TENM3: variants seen among roughly 807,000 people sequenced by gnomAD.
TENM3 encodes the protein teneurin-3.
TENM3 carries 63 observed loss-of-function variants against 255.1 expected under a neutral mutation model. That is an observed-to-expected ratio of 0.25 (90% CI 0.20 to 0.30). The LOEUF (loss-of-function observed/expected upper bound fraction) is 0.30, where lower values mean the gene tolerates loss of function less well. Ranked by LOEUF, TENM3 falls within the 10% of genes least tolerant of loss-of-function variation. TENM3 has a pLI of 1.00. For synonymous variants in TENM3, 1,306 were observed against 1,322.3 expected (o/e 0.99, Z 0.27); for missense variants, 2,929 against 3,461.1 (o/e 0.85, Z 3.86).
At chr4:182,038,503 C>T in the TENM3 span, among the ~76,000 whole-genome samples, 1 of 152,146 alleles carries the variant, frequency 6.6e-6, no homozygotes, top group African/African-American at 2.4e-5. Flanking sequence ...CAAGGTTATA[C>T]TGACATAGCT....
the TENM3 span, among the ~76,000 whole-genome samples, chr4:181,676,978 C>T: frequency 7.2e-6 from 1 of 139,524 alleles, no homozygotes. Flanking sequence ...GACCTATGCT[C>T]CCGATTTTAT....
At chr4:181,567,029 C>T in the TENM3 span, among the ~76,000 whole-genome samples, 118 of 152,250 alleles carry the variant, frequency 7.8e-4, no homozygotes, top group African/African-American at 2.7e-3. Flanking sequence ...ATTCCACCCT[C>T]TTAAAGAAAA....
At chr4:182,704,890 T>C (rs1033443507) in intron 12 of TENM3, among the ~76,000 whole-genome samples, 2 of 151,842 alleles carry the variant, frequency 1.3e-5, no homozygotes, top group Non-Finnish European at 2.9e-5. Context: ...ATTAATTGAC[T>C]TTCCTAAATA....
chr4:181,647,287 A>AT, the TENM3 span, among the ~76,000 whole-genome samples: 1 of 152,228 alleles, frequency 6.6e-6, no homozygotes, highest in Non-Finnish European at 1.5e-5. Context: ...TTGATGGAAC[A>AT]TTTAACAGTG....
At position 182,474,583 on chromosome 4, in the gene TENM3, C is replaced by T. The variant is rs149126996; in HGVS notation, c.512-126341C>T. Among the ~76,000 whole-genome samples, 23 of 152,300 alleles carry T rather than the reference C, an allele frequency of 1.5e-4. 1 individual carries two copies. The East Asian group carries it at 4.3e-3, about 28-fold the overall frequency. ...ACTGTCCCAGATTGAAAATTACCGA[C>T]ATAAATCCCAAACATCCTTTTTAAG... On this transcript the variant is annotated intron_variant, in intron 3 of 27. Coordinates refer to ENST00000511685, the MANE Select transcript of TENM3 (RefSeq NM_001080477.4).
chr4:181,544,121 C>A, the TENM3 span, among the ~76,000 whole-genome samples: 3 of 151,728 alleles, frequency 2.0e-5, no homozygotes, highest in African/African-American at 7.3e-5. Flanking sequence ...ATTCCGTTAC[C>A]CCAGAATGCC....
At chr4:181,888,534 GTGTATATATATATATGTA>G in the TENM3 span, among the ~76,000 whole-genome samples, 7 of 45,590 alleles carry the variant, frequency 1.5e-4, no homozygotes, top group Admixed American at 1.8e-3. Flanking sequence ...ATACATATAT[GTGTATATATATATATGTA>G]TATATATACA....
intron 3 of TENM3, among the ~76,000 whole-genome samples, chr4:182,525,103 A>G (rs1739020498): frequency 6.6e-6 from 1 of 152,132 alleles, no homozygotes. Flanking sequence ...GGTGCACAGT[A>G]ATTTTCATAG....
the TENM3 span, among the ~76,000 whole-genome samples, chr4:181,832,329 G>C: frequency 3.3e-5 from 5 of 152,166 alleles, no homozygotes; most frequent in African/African-American, 7.2e-5. Context: ...TGACTTCAGC[G>C]TGTGTTAATA....
intron 24 of TENM3, among the ~76,000 whole-genome samples, chr4:182,777,547 CTTTTTTTTTTTTTTTTT>C (rs1157448732): frequency 6.6e-5 from 3 of 45,440 alleles, no homozygotes; most frequent in Admixed American, 6.6e-4. Flanking sequence ...GTGTGTATTT[CTTTTTTTTTTTTTTTTT>C]TTTTTTTTTT....
intron 3 of TENM3, among the ~76,000 whole-genome samples, chr4:182,349,203 C>T (rs749480546): frequency 2.6e-4 from 39 of 151,990 alleles, no homozygotes; most frequent in Admixed American, 1.3e-4. Flanking sequence ...ACTCTTTTTC[C>T]GAAGGTTTGG....
At chr4:181,823,393 G>A in the TENM3 span, among the ~76,000 whole-genome samples, 30 of 152,188 alleles carry the variant, frequency 2.0e-4, no homozygotes, top group African/African-American at 7.2e-4. Flanking sequence ...TCATGAAAGA[G>A]CTACTGTGGA....
chr4:181,689,169 A>G, the TENM3 span, among the ~76,000 whole-genome samples: 5 of 152,330 alleles, frequency 3.3e-5, no homozygotes, highest in Middle Eastern at 3.4e-3. Context: ...TGGATGGCCA[A>G]TACCTATATT....
chr4:181,932,368 C>T, the TENM3 span, among the ~76,000 whole-genome samples: 153 of 152,300 alleles, frequency 1.0e-3, 1 homozygote, highest in African/African-American at 3.6e-3. Flanking sequence ...ATGAACAACA[C>T]TTCTCAAAAG....
At chr4:182,020,867 C>G in the TENM3 span, among the ~76,000 whole-genome samples, 1 of 152,300 alleles carries the variant, frequency 6.6e-6, no homozygotes, top group Non-Finnish European at 1.5e-5. Flanking sequence ...ACCACATCCT[C>G]CTTGCCAATC....
chr4:182,108,725 C>T, the TENM3 span, among the ~76,000 whole-genome samples: 40 of 152,306 alleles, frequency 2.6e-4, no homozygotes, highest in East Asian at 9.7e-4. Flanking sequence ...GCCAAGAGAA[C>T]ATGCAATGTA....
chr4:181,540,503 G>A, the TENM3 span, among the ~76,000 whole-genome samples: 7 of 152,226 alleles, frequency 4.6e-5, no homozygotes, highest in South Asian at 6.2e-4. Flanking sequence ...GCAACTCTGC[G>A]GTGGGGGACC....
the TENM3 span, among the ~76,000 whole-genome samples, chr4:181,961,536 C>T: frequency 4.0e-3 from 605 of 152,216 alleles, 2 homozygotes; most frequent in African/African-American, 0.014. Context: ...TCTCCTGCCT[C>T]AGCCTCCCGA....
At chr4:181,656,902 T>C in the TENM3 span, among the ~76,000 whole-genome samples, 1 of 152,224 alleles carries the variant, frequency 6.6e-6, no homozygotes. Flanking sequence ...CTAAGCTCTT[T>C]CCTGGCATCA....
Sources: allele counts gnomAD v4.1 joint callset (sites outside exome capture counted in the v4.1 genomes callset), GRCh38; gene constraint gnomAD v4.1.1; transcripts MANE v1.5; gene names NCBI Gene and HGNC (gene_info 2026-07-23, HGNC 2026-07-21).